The following OXR1 variants were observed in gnomAD, a reference collection of about 807,000 sequenced individuals.
OXR1 encodes the protein oxidation resistance 1.
A neutral mutation model predicts 104.6 loss-of-function variants in OXR1; 41 were observed. That is an observed-to-expected ratio of 0.39 (90% CI 0.31 to 0.51). OXR1 has a LOEUF of 0.51. Ranked by LOEUF, OXR1 falls within the 20% of genes least tolerant of loss-of-function variation. The pLI is 0.77. For missense variants in OXR1, 955 were observed against 1,031.9 expected (o/e 0.93, Z 1.02); for synonymous variants, 348 against 348.4 (o/e 1.00, Z 0.01).
chr8:106,295,070 TATTTA>T (rs1812935551), intron 1 of OXR1, among the ~76,000 whole-genome samples: 1 of 152,218 alleles, frequency 6.6e-6, no homozygotes, highest in Non-Finnish European at 1.5e-5. Context: ...ATATTGTAGA[TATTTA>T]ATTAAATCCT....
chr8:106,407,660 C>T (rs896148472), intron 2 of OXR1, among the ~76,000 whole-genome samples: 2 of 152,122 alleles, frequency 1.3e-5, no homozygotes, highest in African/African-American at 2.4e-5. Flanking sequence ...CATCTTTCAG[C>T]AGTACAAACT....
At chr8:106,491,567 C>A (rs1490256081) in intron 2 of OXR1, among the ~76,000 whole-genome samples, 2 of 152,138 alleles carry the variant, frequency 1.3e-5, no homozygotes, top group African/African-American at 4.8e-5. Flanking sequence ...TAGAAGTGTG[C>A]AAATATTGGT....
chr8:106,692,195 C>T (rs1037340103), intron 6 of OXR1, among the ~76,000 whole-genome samples: 1 of 151,934 alleles, frequency 6.6e-6, no homozygotes, highest in Non-Finnish European at 1.5e-5. Context: ...AGTTAAGAAA[C>T]TTGTGATCTA....
chr8:106,458,961 C>G (rs1327872039), intron 2 of OXR1, among the ~76,000 whole-genome samples: 1 of 152,090 alleles, frequency 6.6e-6, no homozygotes, highest in Non-Finnish European at 1.5e-5. Context: ...TGAATTATGC[C>G]TTGAGTCTCA....
intron 1 of OXR1, among the ~76,000 whole-genome samples, chr8:106,337,722 G>A (rs1387898809): frequency 6.6e-6 from 1 of 152,008 alleles, no homozygotes; most frequent in Non-Finnish European, 1.5e-5. Flanking sequence ...TTCATGATAT[G>A]AAGAAAAAAA....
chr8:106,306,292 A>G (rs1813463108), intron 1 of OXR1, among the ~76,000 whole-genome samples: 1 of 152,116 alleles, frequency 6.6e-6, no homozygotes, highest in Non-Finnish European at 1.5e-5. Context: ...TAATAATTTT[A>G]TTTCATTCTT....
At chr8:106,283,983 T>A (rs1205852582) in intron 1 of OXR1, among the ~76,000 whole-genome samples, 3 of 152,102 alleles carry the variant, frequency 2.0e-5, no homozygotes, top group Admixed American at 2.0e-4. Context: ...AACTTTTTTT[T>A]TTAACCCTTT....
chr8:106,426,198 G>A (rs866725284), intron 2 of OXR1, among the ~76,000 whole-genome samples: 2 of 152,120 alleles, frequency 1.3e-5, no homozygotes, highest in African/African-American at 2.4e-5. Context: ...AGAATAAAAT[G>A]TGTTGATCTG....
intron 1 of OXR1, among the ~76,000 whole-genome samples, chr8:106,275,586 A>G (rs1469972551): frequency 6.6e-6 from 1 of 152,252 alleles, no homozygotes. Flanking sequence ...GGGAATACCT[A>G]TGCTTTAAAG....
intron 6 of OXR1, among the ~76,000 whole-genome samples, chr8:106,692,488 C>T (rs1425644210): frequency 6.6e-6 from 1 of 151,872 alleles, no homozygotes; most frequent in Non-Finnish European, 1.5e-5. Context: ...TGTGTATCTC[C>T]CTATTAAAAA....
At chr8:106,442,621 G>A (rs1314546350) in intron 2 of OXR1, among the ~76,000 whole-genome samples, 2 of 152,024 alleles carry the variant, frequency 1.3e-5, no homozygotes, top group Non-Finnish European at 2.9e-5. Flanking sequence ...TCAGGGATTC[G>A]ACTTCTTCCT....
At chr8:106,452,362 A>G (rs1283125388) in intron 2 of OXR1, among the ~76,000 whole-genome samples, 1 of 152,194 alleles carries the variant, frequency 6.6e-6, no homozygotes, top group Non-Finnish European at 1.5e-5. Context: ...TGTTTGTTAA[A>G]ATAACCATTA....
chr8:106,619,229 T>G (rs1159636107), intron 3 of OXR1, among the ~76,000 whole-genome samples: 1 of 152,194 alleles, frequency 6.6e-6, no homozygotes, highest in East Asian at 1.9e-4. Context: ...TGCAGGACAT[T>G]ATCCCTTTTT....
At chr8:106,382,374 G>A (rs1360645200) in intron 2 of OXR1, among the ~76,000 whole-genome samples, 1 of 152,032 alleles carries the variant, frequency 6.6e-6, no homozygotes, top group African/African-American at 2.4e-5. Flanking sequence ...GTTCCATAAT[G>A]TCTTATGTTC....
At chr8:106,305,058 G>T (rs959536835) in intron 1 of OXR1, among the ~76,000 whole-genome samples, 5 of 152,008 alleles carry the variant, frequency 3.3e-5, no homozygotes, top group Non-Finnish European at 7.4e-5. Context: ...TAAAAACTGG[G>T]TTCAGAGATT....
chr8:106,628,292 T>G (rs539004696), intron 3 of OXR1, among the ~76,000 whole-genome samples: 1 of 152,306 alleles, frequency 6.6e-6, no homozygotes, highest in South Asian at 2.1e-4. Context: ...TAGCATTTAT[T>G]GACCCTTTAT....
intron 2 of OXR1, among the ~76,000 whole-genome samples, chr8:106,479,091 A>G (rs911862140): frequency 3.3e-5 from 5 of 152,022 alleles, no homozygotes; most frequent in African/African-American, 9.7e-5. Flanking sequence ...TGACTTTTCA[A>G]TAGGTTGTTT....
chr8:106,396,330 A>T (rs1817781176), intron 2 of OXR1, among the ~76,000 whole-genome samples: 1 of 152,016 alleles, frequency 6.6e-6, no homozygotes, highest in Non-Finnish European at 1.5e-5. Context: ...AAGTGATCAA[A>T]GTTAACGTTG....
intron 2 of OXR1, among the ~76,000 whole-genome samples, chr8:106,481,989 A>G (rs866223096): frequency 6.6e-6 from 1 of 152,068 alleles, no homozygotes; most frequent in African/African-American, 2.4e-5. Flanking sequence ...ATAGGAGAGT[A>G]CACATGAAAA....
Sources: allele counts gnomAD v4.1 joint callset (sites outside exome capture counted in the v4.1 genomes callset), GRCh38; gene constraint gnomAD v4.1.1; transcripts MANE v1.5; gene names NCBI Gene and HGNC (gene_info 2026-07-23, HGNC 2026-07-21).